The following HNF1B variants were observed in gnomAD, a reference collection of about 807,000 sequenced individuals.
The protein encoded by HNF1B is hepatocyte nuclear factor 1-beta.
In HNF1B, 8 loss-of-function variants were observed where a neutral mutation model predicts 61.7. The observed-to-expected ratio is 0.13, with a 90% confidence interval of 0.08 to 0.23. The LOEUF is 0.23. HNF1B is among the 10% of genes least tolerant of loss of function. HNF1B has a pLI of 1.00. For synonymous variants in HNF1B, 314 were observed against 287.7 expected, an observed-to-expected ratio of 1.09 and a Z score of -0.93; for missense variants, 562 against 714.5, an observed-to-expected ratio of 0.79 and a Z score of 2.43.
At chr17:37,720,651 A>G (rs2033282238) in intron 4 of HNF1B, 3 of 305,380 alleles carry the variant, frequency 9.8e-6, no homozygotes, top group Non-Finnish European at 1.4e-5. Context: ...TATAATAGAT[A>G]TCTTTATTTC....
chr17:37,689,531 G>A (rs1287933216), intron 8 of HNF1B, among the ~76,000 whole-genome samples: 2 of 152,312 alleles, frequency 1.3e-5, no homozygotes, highest in African/African-American at 2.4e-5. Flanking sequence ...AAAAGAACTA[G>A]AGTTATTTGC....
Position 37,700,982 on chromosome 17 carries a change from C to A in HNF1B, c.1534+1G>T. 1 of 1,555,414 alleles carries A rather than the reference C, an allele frequency of 6.4e-7. No homozygotes were observed. Among genetic ancestry groups the A allele is most frequent in the Non-Finnish European group, 8.7e-7 (1 of 1,149,410 alleles). ...CTCCCTCCACATGCCCGTGTCCTTA[C>A]TGTGTGAGTTCTGCAGCTGAGTCAC... On this transcript the variant is annotated splice_donor_variant, in intron 7 of 8. Coordinates refer to ENST00000617811, the MANE Select transcript of HNF1B (RefSeq NM_000458.4). LOFTEE classifies it high-confidence loss of function.
rs1310006869 is a variant in HNF1B, at chr17:37,721,062, C to T, written c.1046-10399G>A. The T allele has an allele frequency of 9.3e-6, 5 of 538,920 alleles. No individual in the cohort carries two copies. In the Admixed American group the frequency reaches 3.2e-4, roughly 34 times the overall value. 33.4% of individuals were successfully genotyped at this position (538,920 alleles called of 1,614,324 possible). On this transcript the variant is annotated intron_variant, in intron 4 of 8. Transcript: ENST00000617811. ...CAAGAACTCACATAGACTTCACTGC[C>T]AACCCAGTCCAATGGGTGCCAAGCA...
chr17:37,744,335 G>C (rs571095830), intron 1 of HNF1B, among the ~76,000 whole-genome samples: 1 of 152,246 alleles, frequency 6.6e-6, no homozygotes, highest in Admixed American at 6.5e-5. Context: ...CCTGGGCCTG[G>C]GGAGAAGAAG....
rs530160155 is a variant in HNF1B at position 37,741,786 on chromosome 17, A to C, written c.345-2147T>G. Among the ~76,000 whole-genome samples, 133 of 152,332 alleles carry C rather than the reference A, an allele frequency of 8.7e-4. 1 individual carries two copies. Among genetic ancestry groups the C allele is most frequent in the African/African-American group, 3.2e-3 (133 of 41,580 alleles). On this transcript the variant is annotated intron_variant, in intron 1 of 8. Coordinates refer to ENST00000617811, the MANE Select transcript of HNF1B (RefSeq NM_000458.4). ...CCTAGAAAAATAGGGTACTGTTCTAAGTGGGAATGATTCTGTGGAAACAGT... is the reference window on the plus strand; with the variant it reads ...CCTAGAAAAATAGGGTACTGTTCTACGTGGGAATGATTCTGTGGAAACAGT...
chr17:37,701,938 A>G (rs17138495), intron 6 of HNF1B, among the ~76,000 whole-genome samples: 3,090 of 152,278 alleles, frequency 0.02, 91 homozygotes, highest in African/African-American at 0.063. Context: ...GGCCTCTGTA[A>G]CTTGGAACTG....
chr17:37,739,478 T>A lies in HNF1B; in HGVS notation c.506A>T (p.Tyr169Phe). 6.2e-7 allele frequency: 1 copy of A among 1,614,144 alleles called. No homozygotes were observed. Among genetic ancestry groups the A allele is most frequent in the Non-Finnish European group, 8.5e-7 (1 of 1,180,026 alleles). ...PMKTQKRAALYTWYVRKQREI... is the reference protein window; with the variant it reads ...PMKTQKRAALFTWYVRKQREI... ...TCGTTGCTTTCTGACGTACCAGGTG[T>A]ACAGAGCGGCACGCTTCTGGGTCTT... is the stretch of plus-strand genomic sequence containing the variant. The change falls in exon 2 of 9, where the codon TAC (tyrosine) becomes TTC (phenylalanine). Residue 169 changes from tyrosine (Y) to phenylalanine (F), a missense_variant. By Grantham distance (22) the Tyr-to-Phe change is conservative (BLOSUM62 3). This residue lies in a region of HNF1B where 69 missense variants were observed against 81.2 expected (regional missense o/e 0.85). Coordinates refer to ENST00000617811, the MANE Select transcript of HNF1B (RefSeq NM_000458.4).
chr17:37,698,215 C>T (rs1034191283), intron 8 of HNF1B, among the ~76,000 whole-genome samples: 3 of 151,986 alleles, frequency 2.0e-5, no homozygotes, highest in East Asian at 3.9e-4. Context: ...ATCTAGTAAT[C>T]GATAGAGGCC....
At chr17:37,709,434 T>A (rs1043722832) in intron 5 of HNF1B, among the ~76,000 whole-genome samples, 1 of 151,682 alleles carries the variant, frequency 6.6e-6, no homozygotes, top group African/African-American at 2.4e-5. Flanking sequence ...ATTTTTTTTT[T>A]AATAGAGATG....
chr17:37,739,411 T>A, intron 2 of HNF1B, 29 bp downstream of exon 2: 2 of 1,608,486 alleles, frequency 1.2e-6, no homozygotes, highest in Non-Finnish European at 8.5e-7. Flanking sequence ...CACTTCAGGT[T>A]GAGGCAGAGG....
Position 37,745,025 on chromosome 17 carries a change from C to T in HNF1B, c.-141G>A. ...CAGACACCTGTTACTCCCCGGGGTC[C>T]CGGAGGCTCCTCCGAAAGGAGTCAG... On this transcript the variant is annotated 5_prime_UTR_variant, in exon 1 of 9. Coordinates refer to ENST00000617811, the MANE Select transcript of HNF1B (RefSeq NM_000458.4). 1 of 698,302 alleles carries T rather than the reference C, an allele frequency of 1.4e-6. No individual in the cohort carries two copies. Among genetic ancestry groups the T allele is most frequent in the South Asian group, 1.9e-5 (1 of 53,300 alleles). The allele number at this position is 698,302 out of a possible 1,614,324, so 43.3% of individuals were successfully genotyped here.
Position 37,687,253 on chromosome 17 carries a change from A to C in HNF1B, c.*119T>G, listed in dbSNP as rs551510648. 73 of 1,543,610 alleles carry C rather than the reference A, an allele frequency of 4.7e-5. No individual in the cohort carries two copies. The South Asian group carries it at 8.0e-4, about 17-fold the overall frequency. ...CCAGCAGGACGTCCGTCAGGTAAGC[A>C]GGGACCTCTCGCAGGTGCTGGTCAG... On this transcript the variant is annotated 3_prime_UTR_variant, in exon 9 of 9. Coordinates refer to ENST00000617811, the MANE Select transcript of HNF1B (RefSeq NM_000458.4).
chr17:37,742,176 C>G (rs777292545), intron 1 of HNF1B, among the ~76,000 whole-genome samples: 10 of 152,252 alleles, frequency 6.6e-5, no homozygotes, highest in Non-Finnish European at 1.3e-4. Flanking sequence ...TGCCCACGAG[C>G]AGAGAAGCCT....
intron 8 of HNF1B, among the ~76,000 whole-genome samples, chr17:37,698,735 C>T (rs2032465201): frequency 6.6e-6 from 1 of 152,082 alleles, no homozygotes. Context: ...TCCTCCTGAG[C>T]CCTCCTTGGA....
In HNF1B at chr17:37,727,004, C is replaced by T. The variant is rs904969719; in HGVS notation, c.1045+4591G>A. 5.9e-5 allele frequency among the ~76,000 whole-genome samples: 9 copies of T among 152,218 alleles called. 1 individual carries two copies. The highest frequency in any genetic ancestry group is 2.2e-4 in the African/African-American group (9 of 41,520). On this transcript the variant is annotated intron_variant, in intron 4 of 8. Coordinates refer to ENST00000617811, the MANE Select transcript of HNF1B (RefSeq NM_000458.4). Reference sequence around the variant, plus strand: ...GGTAGTGGCCAGGTGAGCTTGCTGCCGACTAGAGCAAAGGGTACAGGGAGC... The same window carrying T: ...GGTAGTGGCCAGGTGAGCTTGCTGCTGACTAGAGCAAAGGGTACAGGGAGC...
chr17:37,726,053 C>A (rs867298149), intron 4 of HNF1B, among the ~76,000 whole-genome samples: 1 of 152,168 alleles, frequency 6.6e-6, no homozygotes, highest in Non-Finnish European at 1.5e-5. Context: ...ACCCTTACCC[C>A]ACCTCTTTGG....
At chr17:37,710,268 T>TA (rs1395634296) in intron 5 of HNF1B, among the ~76,000 whole-genome samples, 2 of 152,182 alleles carry the variant, frequency 1.3e-5, no homozygotes. Flanking sequence ...ATTCAATCAA[T>TA]AAAAAGAGAG....
chr17:37,702,930 T>C (rs3094508), intron 6 of HNF1B, among the ~76,000 whole-genome samples: 46,726 of 152,192 alleles, frequency 0.31, 8,097 homozygotes, highest in Non-Finnish European at 0.4. Context: ...TTTCTGTTTC[T>C]GGGCACTGGT....
Position 37,733,840 on chromosome 17 carries a change from A to T in HNF1B, c.545-19T>A. On this transcript the variant is annotated intron_variant, in intron 2 of 8. Coordinates refer to ENST00000617811, the MANE Select transcript of HNF1B (RefSeq NM_000458.4). ...TTGAATTCTGAAAAGAGAAAGGAGT[A>T]GATTTGATAGGGTCTGTAGCCTTCA... 1.2e-6 allele frequency: 2 copies of T among 1,613,420 alleles called. No homozygotes were observed. Among genetic ancestry groups the T allele is most frequent in the Non-Finnish European group, 1.7e-6 (2 of 1,179,950 alleles).
Sources: allele counts gnomAD v4.1 joint callset (sites outside exome capture counted in the v4.1 genomes callset), GRCh38; gene constraint gnomAD v4.1.1; regional missense constraint gnomAD v4.1.1; transcripts MANE v1.5; gene names NCBI Gene and HGNC (gene_info 2026-07-23, HGNC 2026-07-21).